The following NRP1 variants were observed in gnomAD, a reference collection of about 807,000 sequenced individuals.
NRP1 encodes neuropilin-1.
A neutral mutation model predicts 106.7 loss-of-function variants in NRP1; 35 were observed. That is an observed-to-expected ratio of 0.33 (90% CI 0.25 to 0.43). The LOEUF is 0.43. NRP1 is among the 20% of genes least tolerant of loss of function. The probability of loss-of-function intolerance (pLI) is 1.00; values close to 1 mark genes in which losing one functional copy is unlikely to be tolerated. For synonymous variants in NRP1, 437 were observed against 417.9 expected (o/e 1.05, Z -0.56); for missense variants, 1,024 against 1,170.4 (o/e 0.87, Z 1.83).
In NRP1 at chr10:33,185,635, A is replaced by G; in HGVS notation, c.2424T>C (p.Asp808=). The stretch of plus-strand genomic sequence containing the variant: ...ACAGCAGCTCATACTTACTTGCACA[A>G]TCTTCTTGTGAAATGTGGTTATTAA... ...ISINNHISQE[D]CAKPADLDKK... is the part of the protein sequence containing the mutation. Residue 808 remains aspartate, a synonymous_variant, in exon 15 of 17, where the codon GAT becomes GAC. Coordinates refer to ENST00000374867, the MANE Select transcript of NRP1 (RefSeq NM_003873.7). 1.2e-6 allele frequency: 2 copies of G among 1,612,842 alleles called. No individual in the cohort carries two copies. Among genetic ancestry groups the G allele is most frequent in the Non-Finnish European group, 1.7e-6 (2 of 1,178,838 alleles).
intron 2 of NRP1, among the ~76,000 whole-genome samples, chr10:33,315,089 A>G (rs749135030): frequency 1.3e-5 from 2 of 152,240 alleles, no homozygotes; most frequent in Non-Finnish European, 2.9e-5. Context: ...ACACTCAGCA[A>G]TCAGGACGTA....
At chr10:33,250,694 T>G (rs1325014009) in intron 6 of NRP1, among the ~76,000 whole-genome samples, 1 of 152,256 alleles carries the variant, frequency 6.6e-6, no homozygotes, top group East Asian at 1.9e-4. Context: ...TACTCGTTTC[T>G]CTGAACTTCA....
At chr10:33,280,990 C>T (rs1234837816) in intron 2 of NRP1, among the ~76,000 whole-genome samples, 2 of 150,024 alleles carry the variant, frequency 1.3e-5, no homozygotes, top group East Asian at 2.0e-4. Flanking sequence ...AAAAAAAAGA[C>T]AAGAAAAGAA....
At chr10:33,188,605 G>A (rs916059421) in intron 13 of NRP1, among the ~76,000 whole-genome samples, 2 of 151,954 alleles carry the variant, frequency 1.3e-5, no homozygotes, top group Non-Finnish European at 2.9e-5. Context: ...GGCCGGGCGC[G>A]GTGGTCCACG....
At chr10:33,242,545 C>A (rs948385903) in intron 6 of NRP1, among the ~76,000 whole-genome samples, 14 of 152,234 alleles carry the variant, frequency 9.2e-5, no homozygotes, top group African/African-American at 2.6e-4. Context: ...TCAAAAAATT[C>A]TTTTCTCTTC....
At chr10:33,223,473 A>AT (rs1035674407) in intron 7 of NRP1, among the ~76,000 whole-genome samples, 1 of 151,608 alleles carries the variant, frequency 6.6e-6, no homozygotes, top group African/African-American at 2.4e-5. Flanking sequence ...AAAAAAAAAA[A>AT]AATTAGCCAG....
At chr10:33,186,896 T>C (rs1836046627) in intron 13 of NRP1, among the ~76,000 whole-genome samples, 1 of 152,106 alleles carries the variant, frequency 6.6e-6, no homozygotes, top group Non-Finnish European at 1.5e-5. Flanking sequence ...ACACTCCTGT[T>C]GCCCAGGTTG....
intron 4 of NRP1, among the ~76,000 whole-genome samples, chr10:33,260,740 T>C (rs2133223179): frequency 6.6e-6 from 1 of 152,354 alleles, no homozygotes; most frequent in Middle Eastern, 3.4e-3. Context: ...CCTTGAATTT[T>C]GAGTTCTGGA....
At chr10:33,284,438 T>C (rs1403328477) in intron 2 of NRP1, among the ~76,000 whole-genome samples, 5 of 152,200 alleles carry the variant, frequency 3.3e-5, no homozygotes, top group Non-Finnish European at 7.3e-5. Flanking sequence ...TGGGGGCATA[T>C]AAGTGCTCAT....
intron 2 of NRP1, among the ~76,000 whole-genome samples, chr10:33,324,499 CAAGAT>C (rs1847748294): frequency 6.6e-6 from 1 of 152,172 alleles, no homozygotes; most frequent in African/African-American, 2.4e-5. Context: ...GAAACAAAGA[CAAGAT>C]ATTTCCATCA....
At chr10:33,194,150 G>A (rs941960945) in intron 12 of NRP1, among the ~76,000 whole-genome samples, 3 of 152,212 alleles carry the variant, frequency 2.0e-5, no homozygotes, top group Non-Finnish European at 4.4e-5. Context: ...CAGCAAGATT[G>A]AATTATGTAG....
At chr10:33,214,107 G>T (rs1372996947) in intron 8 of NRP1, among the ~76,000 whole-genome samples, 4 of 152,146 alleles carry the variant, frequency 2.6e-5, no homozygotes, top group Non-Finnish European at 5.9e-5. Context: ...TCCGATAGCA[G>T]GAAGGTTGCT....
chr10:33,284,517 G>A (rs990218847), intron 2 of NRP1, among the ~76,000 whole-genome samples: 1 of 152,000 alleles, frequency 6.6e-6, no homozygotes, highest in Non-Finnish European at 1.5e-5. Flanking sequence ...AACATTACAG[G>A]TTCCTGAAAT....
At position 33,186,343 on chromosome 10, in the gene NRP1, G is replaced by A. The variant is rs763030824; in HGVS notation, c.2208C>T (p.Leu736=). The change falls in exon 14 of 17, where the codon CTC becomes CTT. Residue 736 remains leucine, a synonymous_variant. Coordinates refer to ENST00000374867, the MANE Select transcript of NRP1 (RefSeq NM_003873.7). ...YHMSGSHVGT[L]RVKLRYQKPE... is the part of the protein sequence containing the mutation. ...GCTTCTGGTAGCGCAGTTTGACCCT[G>A]AGTGTGCCGACGTGGGACCCAGACA... The A allele has an allele frequency of 2.5e-6, 4 of 1,614,080 alleles. No homozygotes were observed. The highest frequency in any genetic ancestry group is 2.2e-5 in the East Asian group (1 of 44,882).
chr10:33,260,675 C>T (rs1349338142), intron 4 of NRP1, among the ~76,000 whole-genome samples: 1 of 152,168 alleles, frequency 6.6e-6, no homozygotes, highest in African/African-American at 2.4e-5. Context: ...ACTTGTGAAT[C>T]CATACAGCTT....
At chr10:33,236,163 T>C (rs1840537583) in intron 6 of NRP1, among the ~76,000 whole-genome samples, 1 of 152,234 alleles carries the variant, frequency 6.6e-6, no homozygotes, top group East Asian at 1.9e-4. Context: ...ACAGACCAAA[T>C]GTAATCCCTA....
intron 2 of NRP1, among the ~76,000 whole-genome samples, chr10:33,282,303 G>A (rs1293112471): frequency 6.6e-6 from 1 of 152,164 alleles, no homozygotes; most frequent in Non-Finnish European, 1.5e-5. Flanking sequence ...TGGAAAGGCA[G>A]TGCGTCCGGC....
intron 13 of NRP1, among the ~76,000 whole-genome samples, chr10:33,191,587 T>C (rs1160879262): frequency 6.6e-6 from 1 of 152,200 alleles, no homozygotes; most frequent in Non-Finnish European, 1.5e-5. Flanking sequence ...GATCTGATAA[T>C]TGTTGAAGCA....
chr10:33,180,277 G>C lies in NRP1; in HGVS notation c.2571C>G (p.Ile857Met), dbSNP rs144845322. ...CACTCATGGCTATGATGGTGATGAG[G>C]ATGGGGTCTAAGGTCTTCAACACAT... ...PGNVLKTLDP[I>M]LITIIAMSAL... Residue 857 changes from isoleucine to methionine, a missense_variant, in exon 17 of 17, where the codon ATC becomes ATG. Physicochemically the swap from Ile to Met is conservative, Grantham distance 10. Coordinates refer to ENST00000374867, the MANE Select transcript of NRP1 (RefSeq NM_003873.7). The C allele has an allele frequency of 3.5e-4, 566 of 1,613,986 alleles. No individual in the cohort carries two copies. The highest frequency in any genetic ancestry group is 4.6e-4 in the Non-Finnish European group (547 of 1,180,014).
Sources: allele counts gnomAD v4.1 joint callset (sites outside exome capture counted in the v4.1 genomes callset), GRCh38; gene constraint gnomAD v4.1.1; transcripts MANE v1.5; gene names NCBI Gene and HGNC (gene_info 2026-07-23, HGNC 2026-07-21).